Variants in BMPR1B observed in about 807,000 individuals in gnomAD.
BMPR1B encodes the protein bone morphogenetic protein receptor type 1B, also known as bone morphogenetic protein receptor type-1B.
A neutral mutation model predicts 59.1 loss-of-function variants in BMPR1B; 12 were observed. The ratio of observed to expected loss-of-function variants is 0.20; its 90% CI spans 0.13 to 0.33. BMPR1B has a LOEUF of 0.33. Among genes scored for constraint, BMPR1B ranks in the 10% least tolerant of loss-of-function variants. The pLI, the probability that BMPR1B is intolerant of heterozygous loss-of-function variation, is 1.00. For synonymous variants in BMPR1B, 237 were observed against 207.3 expected (o/e 1.14, Z -1.23); for missense variants, 550 against 610.9 (o/e 0.90, Z 1.05).
At chr4:94,946,426 G>A (rs1359017399) in intron 2 of BMPR1B, among the ~76,000 whole-genome samples, 1 of 152,128 alleles carries the variant, frequency 6.6e-6, no homozygotes, top group East Asian at 1.9e-4. Flanking sequence ...CACTTAACTA[G>A]AAGTGAGGAT....
At chr4:94,759,444 C>T (rs1721671068) in intron 1 of BMPR1B, among the ~76,000 whole-genome samples, 1 of 152,200 alleles carries the variant, frequency 6.6e-6, no homozygotes, top group Non-Finnish European at 1.5e-5. Flanking sequence ...TTTGAAAAAG[C>T]ACTTAATGGA....
At chr4:94,841,642 A>G (rs1349648431) in intron 1 of BMPR1B, among the ~76,000 whole-genome samples, 2 of 152,010 alleles carry the variant, frequency 1.3e-5, no homozygotes, top group Non-Finnish European at 2.9e-5. Flanking sequence ...GCGCGCACCC[A>G]CTGATCTGCG....
intron 1 of BMPR1B, among the ~76,000 whole-genome samples, chr4:94,847,399 A>G (rs1264727515): frequency 3.3e-5 from 5 of 152,226 alleles, no homozygotes; most frequent in Admixed American, 6.5e-5. Context: ...AAGTAAAAAC[A>G]GGACTACCAT....
intron 2 of BMPR1B, among the ~76,000 whole-genome samples, chr4:94,966,198 C>T (rs1016336200): frequency 1.3e-5 from 2 of 152,096 alleles, no homozygotes; most frequent in African/African-American, 2.4e-5. Context: ...ATTTACAGCC[C>T]TGGTAATTTT....
At chr4:94,955,020 A>G (rs1033167335) in intron 2 of BMPR1B, among the ~76,000 whole-genome samples, 1 of 152,176 alleles carries the variant, frequency 6.6e-6, no homozygotes, top group Non-Finnish European at 1.5e-5. Flanking sequence ...ACTTCCAAAC[A>G]GCAAGAATTG....
chr4:94,951,158 T>C (rs761994285), intron 2 of BMPR1B, among the ~76,000 whole-genome samples: 8 of 152,232 alleles, frequency 5.3e-5, no homozygotes, highest in Non-Finnish European at 7.3e-5. Flanking sequence ...GCTTATCAGC[T>C]TAAGGAGATT....
At chr4:94,912,520 C>T (rs1728316953) in intron 2 of BMPR1B, among the ~76,000 whole-genome samples, 1 of 152,066 alleles carries the variant, frequency 6.6e-6, no homozygotes, top group African/African-American at 2.4e-5. Context: ...TGCTTTTTAC[C>T]TAAGTTTAGA....
chr4:94,832,325 G>A (rs76187576), intron 1 of BMPR1B, among the ~76,000 whole-genome samples: 18,256 of 152,136 alleles, frequency 0.12, 1,160 homozygotes, highest in Non-Finnish European at 0.13. Flanking sequence ...ACATTTCTCA[G>A]AACCTATTTC....
intron 1 of BMPR1B, among the ~76,000 whole-genome samples, chr4:94,854,876 G>A (rs1405639498): frequency 6.6e-6 from 1 of 152,070 alleles, no homozygotes. Flanking sequence ...TTAAACTTGA[G>A]GGCTATTTTC....
intron 2 of BMPR1B, among the ~76,000 whole-genome samples, chr4:94,951,348 G>A (rs1196397150): frequency 6.6e-6 from 1 of 152,158 alleles, no homozygotes; most frequent in Non-Finnish European, 1.5e-5. Flanking sequence ...CTTGTCTTGT[G>A]CTGGTTTTCA....
chr4:95,084,216 T>A (rs949501468), intron 3 of BMPR1B, among the ~76,000 whole-genome samples: 7 of 151,128 alleles, frequency 4.6e-5, no homozygotes, highest in African/African-American at 1.7e-4. Context: ...TATATACACA[T>A]GTATAAATAG....
At chr4:95,063,811 A>C (rs1727594701) in intron 3 of BMPR1B, among the ~76,000 whole-genome samples, 1 of 152,202 alleles carries the variant, frequency 6.6e-6, no homozygotes, top group Non-Finnish European at 1.5e-5. Context: ...TTCAAGAAGG[A>C]GAAAAATGAA....
chr4:94,889,979 A>G (rs1421119476), intron 2 of BMPR1B, among the ~76,000 whole-genome samples: 2 of 152,004 alleles, frequency 1.3e-5, no homozygotes. Flanking sequence ...AGGGAGAGGA[A>G]TGAAGGGAGG....
In BMPR1B at chr4:94,819,867, A is replaced by AT. The variant is rs1477533467; in HGVS notation, c.-182-55957dup. 2.6e-5 allele frequency among the ~76,000 whole-genome samples: 4 copies of AT among 152,132 alleles called. No individual in the cohort carries two copies. The East Asian group carries it at 7.7e-4, about 29-fold the overall frequency. ...TGGAACAAAATTCACCTAATGAAAT[A>AT]TTTTTTTGAAATGTTGGCTTGAAAA... On this transcript the variant is annotated intron_variant, in intron 1 of 12. Transcript: ENST00000515059.
chr4:95,077,568 G>A (rs1474274342), intron 3 of BMPR1B, among the ~76,000 whole-genome samples: 1 of 152,110 alleles, frequency 6.6e-6, no homozygotes, highest in African/African-American at 2.4e-5. Context: ...CACTTTCTAC[G>A]TAGAATTTTT....
intron 2 of BMPR1B, among the ~76,000 whole-genome samples, chr4:94,881,184 T>TC (rs1217998488): frequency 1.3e-5 from 2 of 152,184 alleles, no homozygotes; most frequent in African/African-American, 4.8e-5. Flanking sequence ...ACTGAAACTG[T>TC]ACCTTCTAAC....
chr4:95,149,048 T>A, intron 11 of BMPR1B, 125 bp downstream of exon 11: 4 of 1,261,736 alleles, frequency 3.2e-6, no homozygotes, highest in Non-Finnish European at 4.6e-6. Flanking sequence ...TTTATTTCTG[T>A]TGATGCAGTC....
At chr4:94,843,826 A>T (rs781625364) in intron 1 of BMPR1B, among the ~76,000 whole-genome samples, 2 of 152,080 alleles carry the variant, frequency 1.3e-5, no homozygotes, top group Non-Finnish European at 2.9e-5. Flanking sequence ...TGCCTCCTTG[A>T]TTTTGGGTAC....
At chr4:94,895,587 CA>C (rs1727553868) in intron 2 of BMPR1B, among the ~76,000 whole-genome samples, 1 of 150,776 alleles carries the variant, frequency 6.6e-6, no homozygotes, top group Admixed American at 6.6e-5. Flanking sequence ...ATGTTAGAGG[CA>C]ATTCATTTGT....
Sources: gnomAD v4.1 joint callset for allele counts (sites outside exome capture counted in the v4.1 genomes callset) on GRCh38, gnomAD v4.1.1 for gene constraint, MANE v1.5 for transcripts, NCBI Gene and HGNC (gene_info 2026-07-23, HGNC 2026-07-21) for gene names.